LRRC4C: variants seen among roughly 807,000 people sequenced by gnomAD.
The protein encoded by LRRC4C is leucine-rich repeat-containing protein 4C.
A neutral mutation model predicts 33.6 loss-of-function variants in LRRC4C; 5 were observed. That is an observed-to-expected ratio of 0.15 (90% CI 0.08 to 0.31). The LOEUF is 0.31. Among genes scored for constraint, LRRC4C ranks in the 10% least tolerant of loss-of-function variants. The pLI is 1.00. For missense variants in LRRC4C, 560 were observed against 796.7 expected, an observed-to-expected ratio of 0.70 and a Z score of 3.58; for synonymous variants, 329 against 302.0, an observed-to-expected ratio of 1.09 and a Z score of -0.93.
At chr11:41,003,191 GA>G (rs11352542) in intron 1 of LRRC4C, among the ~76,000 whole-genome samples, 113,200 of 151,938 alleles carry the variant, frequency 0.75, 42,398 homozygotes, top group South Asian at 0.79. Context: ...ATACAGTTCT[GA>G]AAAAATGTTT....
At chr11:40,272,656 T>C (rs1942794414) in intron 4 of LRRC4C, among the ~76,000 whole-genome samples, 1 of 152,140 alleles carries the variant, frequency 6.6e-6, no homozygotes, top group Non-Finnish European at 1.5e-5. Flanking sequence ...GTTCCACTCC[T>C]AGCACATTAA....
chr11:40,465,032 G>A (rs116249158), intron 3 of LRRC4C, among the ~76,000 whole-genome samples: 1,629 of 152,038 alleles, frequency 0.011, 30 homozygotes, highest in African/African-American at 0.037. Flanking sequence ...AAAGAACACA[G>A]CTGGAGGCAT....
intron 1 of LRRC4C, among the ~76,000 whole-genome samples, chr11:41,416,984 T>C (rs1954707007): frequency 6.6e-6 from 1 of 151,984 alleles, no homozygotes; most frequent in African/African-American, 2.4e-5. Flanking sequence ...GATTCCTAAT[T>C]CCAGATGGAA....
rs75661081 is a variant in LRRC4C at position 40,860,850 on chromosome 11, T to G, written c.-407+72785A>C. Among the ~76,000 whole-genome samples the G allele has an allele frequency of 8.4e-4, 107 of 127,302 alleles. 1 individual carries two copies. In the East Asian group the frequency reaches 0.022, roughly 26 times the overall value. The allele number at this position is 127,302 out of a possible 152,430, so 83.5% of individuals were successfully genotyped here. On this transcript the variant is annotated intron_variant, in intron 2 of 6. Transcript: ENST00000528697. The stretch of plus-strand genomic sequence containing the variant: ...CACGATTCAACCCATAACAGAGAAA[T>G]AACTCCTTATTGGAAACAAGGTTTT...
chr11:41,160,290 T>A (rs1944411590), intron 1 of LRRC4C, among the ~76,000 whole-genome samples: 1 of 151,490 alleles, frequency 6.6e-6, no homozygotes, highest in African/African-American at 2.4e-5. Flanking sequence ...AATGACTTCA[T>A]GCCAGGAGAT....
intron 1 of LRRC4C, among the ~76,000 whole-genome samples, chr11:41,301,500 CTACTT>C (rs1309219899): frequency 6.6e-6 from 1 of 152,056 alleles, no homozygotes; most frequent in Admixed American, 6.5e-5. Flanking sequence ...AATGCTATCT[CTACTT>C]TAGAGAAACT....
At chr11:41,107,972 AGGGG>A in intron 1 of LRRC4C, among the ~76,000 whole-genome samples, 1 of 37,376 alleles carries the variant, frequency 2.7e-5, no homozygotes, top group East Asian at 8.3e-4. Flanking sequence ...GAGAGGGGAG[AGGGG>A]AGAGGGGAGA....
intron 6 of LRRC4C, among the ~76,000 whole-genome samples, 183 bp downstream of exon 6, chr11:40,140,618 C>A (rs184111771): frequency 6.6e-6 from 1 of 151,992 alleles, no homozygotes; most frequent in Admixed American, 6.6e-5. Context: ...TACTATATTG[C>A]GGCTTATTTT....
chr11:40,171,353 T>C (rs1450759677), intron 5 of LRRC4C, among the ~76,000 whole-genome samples: 1 of 152,130 alleles, frequency 6.6e-6, no homozygotes, highest in Non-Finnish European at 1.5e-5. Flanking sequence ...ATTAAGATAT[T>C]AGAATGTGGA....
chr11:41,303,915 G>A (rs1231949626), intron 1 of LRRC4C, among the ~76,000 whole-genome samples: 2 of 86,558 alleles, frequency 2.3e-5, no homozygotes, highest in Non-Finnish European at 5.0e-5. Flanking sequence ...GAGAAGTGAG[G>A]AGCCTCTCCG....
intron 3 of LRRC4C, among the ~76,000 whole-genome samples, chr11:40,379,064 G>A (rs1177947296): frequency 6.6e-6 from 1 of 152,048 alleles, no homozygotes; most frequent in Non-Finnish European, 1.5e-5. Context: ...AATGACCAAT[G>A]TCATAATCTT....
At chr11:41,253,997 T>C (rs568858015) in intron 1 of LRRC4C, among the ~76,000 whole-genome samples, 42 of 152,214 alleles carry the variant, frequency 2.8e-4, no homozygotes, top group Non-Finnish European at 5.4e-4. Flanking sequence ...GTTTTAAGTG[T>C]CAATTTACTG....
At chr11:41,132,590 C>A (rs764158818) in intron 1 of LRRC4C, among the ~76,000 whole-genome samples, 43 of 152,032 alleles carry the variant, frequency 2.8e-4, no homozygotes, top group Non-Finnish European at 4.4e-4. Context: ...TATTACTGAA[C>A]CTTAATGGAA....
At chr11:40,671,928 G>A (rs1000959739) in intron 2 of LRRC4C, among the ~76,000 whole-genome samples, 2 of 151,950 alleles carry the variant, frequency 1.3e-5, no homozygotes, top group Admixed American at 1.3e-4. Context: ...TAAGCATATA[G>A]CAGGTACTTA....
At chr11:41,341,779 C>G (rs986407680) in intron 1 of LRRC4C, among the ~76,000 whole-genome samples, 1 of 152,198 alleles carries the variant, frequency 6.6e-6, no homozygotes, top group Admixed American at 6.5e-5. Flanking sequence ...TTCAGGTAAA[C>G]CATGCCCGAA....
intron 1 of LRRC4C, among the ~76,000 whole-genome samples, chr11:41,162,176 C>T (rs182361012): frequency 1.3e-5 from 2 of 152,124 alleles, no homozygotes; most frequent in Non-Finnish European, 2.9e-5. Context: ...TCTTCCACAT[C>T]CAGCATCGCC....
intron 5 of LRRC4C, among the ~76,000 whole-genome samples, chr11:40,191,192 C>A (rs982579574): frequency 1.3e-5 from 2 of 152,162 alleles, no homozygotes; most frequent in Admixed American, 1.3e-4. Flanking sequence ...GTTAATGTGA[C>A]TCCAAGGCCA....
chr11:40,215,350 T>G (rs1434620647), intron 5 of LRRC4C, among the ~76,000 whole-genome samples: 1 of 152,148 alleles, frequency 6.6e-6, no homozygotes, highest in Non-Finnish European at 1.5e-5. Context: ...TGTTCAGTGC[T>G]CTCCACCCTG....
intron 2 of LRRC4C, among the ~76,000 whole-genome samples, chr11:40,833,023 C>T (rs1952490146): frequency 6.6e-6 from 1 of 152,070 alleles, no homozygotes; most frequent in Non-Finnish European, 1.5e-5. Context: ...TTGAATTAAC[C>T]TATTTTAAGG....
Sources: allele counts gnomAD v4.1 joint callset (sites outside exome capture counted in the v4.1 genomes callset), GRCh38; gene constraint gnomAD v4.1.1; transcripts MANE v1.5; gene names NCBI Gene and HGNC (gene_info 2026-07-23, HGNC 2026-07-21).